NELL1: variants seen among roughly 807,000 people sequenced by gnomAD.
The protein encoded by NELL1 is neural EGFL like 1.
NELL1 carries 76 observed loss-of-function variants against 107.4 expected under a neutral mutation model. The ratio of observed to expected loss-of-function variants is 0.71; its 90% CI spans 0.59 to 0.86. The LOEUF (loss-of-function observed/expected upper bound fraction) is 0.86. NELL1 is among the 40% of genes least tolerant of loss of function. NELL1 has a pLI of 0.00. For missense variants in NELL1, 1,024 were observed against 1,005.5 expected, an observed-to-expected ratio of 1.02 and a Z score of -0.25; for synonymous variants, 353 against 341.2, an observed-to-expected ratio of 1.03 and a Z score of -0.38.
intron 12 of NELL1, among the ~76,000 whole-genome samples, chr11:20,983,357 ATCTATACCAG>A (rs976554583): frequency 2.6e-5 from 4 of 151,878 alleles, no homozygotes; most frequent in African/African-American, 7.3e-5. Context: ...TCCCCAACCC[ATCTATACCAG>A]TGCCATAACT....
At chr11:21,207,352 T>C (rs1857411038) in intron 13 of NELL1, among the ~76,000 whole-genome samples, 1 of 152,132 alleles carries the variant, frequency 6.6e-6, no homozygotes, top group African/African-American at 2.4e-5. Flanking sequence ...AGTGAGCAGG[T>C]GACAAAGCTG....
At chr11:20,673,866 C>T (rs755689418) in intron 1 of NELL1, among the ~76,000 whole-genome samples, 3 of 151,566 alleles carry the variant, frequency 2.0e-5, no homozygotes, top group African/African-American at 4.9e-5. Context: ...TGAGACCACA[C>T]TCACACTACA....
intron 3 of NELL1, among the ~76,000 whole-genome samples, chr11:20,842,119 C>T (rs1848632786): frequency 6.6e-6 from 1 of 151,986 alleles, no homozygotes; most frequent in South Asian, 2.1e-4. Context: ...GCTCATGCCT[C>T]TAATCCCAGC....
At chr11:21,121,804 T>C (rs1156311357) in intron 13 of NELL1, among the ~76,000 whole-genome samples, 1 of 151,758 alleles carries the variant, frequency 6.6e-6, no homozygotes, top group Non-Finnish European at 1.5e-5. Context: ...AATTAAGAGG[T>C]CCCTCTAAAG....
chr11:21,385,407 TGTC>T (rs1851720522), intron 15 of NELL1, among the ~76,000 whole-genome samples: 1 of 151,950 alleles, frequency 6.6e-6, no homozygotes, highest in Non-Finnish European at 1.5e-5. Context: ...AAAAAAATAT[TGTC>T]GTCAATCACA....
chr11:21,114,219 A>G (rs146457407), intron 13 of NELL1, among the ~76,000 whole-genome samples: 1 of 152,092 alleles, frequency 6.6e-6, no homozygotes, highest in African/African-American at 2.4e-5. Flanking sequence ...ACCTCTTTCT[A>G]TATCCCTTAG....
At chr11:21,384,652 T>C (rs1851697811) in intron 15 of NELL1, among the ~76,000 whole-genome samples, 1 of 151,716 alleles carries the variant, frequency 6.6e-6, no homozygotes, top group Non-Finnish European at 1.5e-5. Context: ...TGTGTCCTTG[T>C]GTTTTCATTG....
At position 20,967,793 on chromosome 11, in the gene NELL1, C is replaced by T. The variant is rs1047442688; in HGVS notation, c.1300+7233C>T. On this transcript the variant is annotated intron_variant, in intron 12 of 19. Coordinates refer to ENST00000357134, the MANE Select transcript of NELL1 (RefSeq NM_006157.5). ...TTTTAAGTGTAAGCAGATTATGCTA[C>T]TCTCCTGTTGAAATTTGTCTCATAG... 3.3e-5 allele frequency among the ~76,000 whole-genome samples: 5 copies of T among 152,274 alleles called. No homozygotes were observed. The East Asian group carries it at 9.6e-4, about 29-fold the overall frequency.
At chr11:21,234,109 C>A (rs1419125670) in intron 14 of NELL1, among the ~76,000 whole-genome samples, 1 of 152,126 alleles carries the variant, frequency 6.6e-6, no homozygotes. Flanking sequence ...ATGTGTAAAG[C>A]ATATGCATTA....
intron 14 of NELL1, among the ~76,000 whole-genome samples, chr11:21,318,855 G>T (rs575398677): frequency 1.3e-5 from 2 of 152,146 alleles, no homozygotes; most frequent in South Asian, 4.1e-4. Context: ...AGTCAGATGG[G>T]GTGAGTTAAA....
At chr11:20,975,920 C>CACATATATGTACACATATGTGT (rs1851613580) in intron 12 of NELL1, among the ~76,000 whole-genome samples, 1 of 108,460 alleles carries the variant, frequency 9.2e-6, no homozygotes, top group African/African-American at 4.1e-5. Context: ...TATATAAACA[C>CACATATATGTACACATATGTGT]ACATATATGT....
chr11:21,353,587 T>C (rs1292578822), intron 14 of NELL1, among the ~76,000 whole-genome samples: 1 of 152,074 alleles, frequency 6.6e-6, no homozygotes, highest in African/African-American at 2.4e-5. Flanking sequence ...TAGCTAAACA[T>C]CTAGAAAGGC....
intron 2 of NELL1, among the ~76,000 whole-genome samples, chr11:20,781,174 C>T (rs1786199472): frequency 6.6e-6 from 1 of 152,098 alleles, no homozygotes; most frequent in Non-Finnish European, 1.5e-5. Flanking sequence ...AGATTCCAGA[C>T]ATGGGAGCCC....
At chr11:21,298,781 T>C (rs2133968799) in intron 14 of NELL1, among the ~76,000 whole-genome samples, 1 of 151,994 alleles carries the variant, frequency 6.6e-6, no homozygotes, top group Middle Eastern at 3.4e-3. Flanking sequence ...TTCAAGTAAA[T>C]AAACAGCAGC....
intron 12 of NELL1, among the ~76,000 whole-genome samples, chr11:21,099,418 G>C (rs1432139779): frequency 6.6e-5 from 10 of 152,092 alleles, no homozygotes; most frequent in Non-Finnish European, 1.2e-4. Context: ...ATCTTGTGAA[G>C]GGACAGTCAA....
At chr11:20,911,240 TG>T (rs1454755588) in intron 5 of NELL1, among the ~76,000 whole-genome samples, 2 of 152,218 alleles carry the variant, frequency 1.3e-5, no homozygotes, top group Non-Finnish European at 2.9e-5. Context: ...AGGTGGGTTA[TG>T]GGAATGTAGA....
intron 17 of NELL1, among the ~76,000 whole-genome samples, chr11:21,569,172 T>A (rs564820993): frequency 5.9e-5 from 9 of 151,590 alleles, no homozygotes; most frequent in Non-Finnish European, 1.5e-5. Context: ...ATGTGTAGTA[T>A]GTCAGTGACC....
intron 12 of NELL1, among the ~76,000 whole-genome samples, chr11:20,976,125 ATG>A (rs1429611622): frequency 2.8e-4 from 31 of 108,800 alleles, no homozygotes; most frequent in African/African-American, 7.4e-4. Flanking sequence ...TATATGTATT[ATG>A]TATACACATG....
rs149808793 is a variant in NELL1, at chr11:21,527,267, A to G, written c.1646-7107A>G. ...CCTCAGCCTGGACTTTATTGTCCAT[A>G]TCACTATCAGCATTTTGGTCAAAGC... On this transcript the variant is annotated intron_variant, in intron 15 of 19. Transcript: ENST00000357134. 1.2e-3 allele frequency among the ~76,000 whole-genome samples: 185 copies of G among 152,234 alleles called. 2 individuals carry two copies. The highest frequency in any genetic ancestry group is 9.0e-4 in the Non-Finnish European group (61 of 68,020).
Sources: gnomAD v4.1 joint callset for allele counts (sites outside exome capture counted in the v4.1 genomes callset) on GRCh38, gnomAD v4.1.1 for gene constraint, MANE v1.5 for transcripts, NCBI Gene and HGNC (gene_info 2026-07-23, HGNC 2026-07-21) for gene names.